CHLSN: variants seen among roughly 807,000 people sequenced by gnomAD.
CHLSN encodes cholesin, also known as protein cholesin.
At chr7:1,134,892 A>C in the CHLSN span, among the ~76,000 whole-genome samples, 16 of 152,162 alleles carry the variant, frequency 1.1e-4, no homozygotes, top group African/African-American at 3.9e-4. Flanking sequence ...TAAATAAATA[A>C]ATAAATACAT....
the CHLSN span, chr7:1,092,905 C>A: frequency 9.7e-6 from 15 of 1,545,808 alleles, no homozygotes; most frequent in Non-Finnish European, 1.2e-5. Flanking sequence ...GGGAGCTGCA[C>A]ACACCTGGGT....
the CHLSN span, among the ~76,000 whole-genome samples, chr7:1,080,458 AC>A: frequency 6.6e-6 from 1 of 152,148 alleles, no homozygotes; most frequent in Non-Finnish European, 1.5e-5. Context: ...CACAGGTGCC[AC>A]CCGCGTGACG....
chr7:1,037,510 G>T, the CHLSN span, among the ~76,000 whole-genome samples: 3 of 142,176 alleles, frequency 2.1e-5, no homozygotes, highest in African/African-American at 7.5e-5. Flanking sequence ...GCCTCCCGAG[G>T]TGCCGGGATT....
At chr7:1,019,211 A>G in the CHLSN span, among the ~76,000 whole-genome samples, 255 of 43,598 alleles carry the variant, frequency 5.8e-3, 2 homozygotes, top group East Asian at 0.037. Flanking sequence ...AAAAAAAAAA[A>G]CGGGGGGGGG....
the CHLSN span, chr7:987,072 G>T: frequency 2.7e-6 from 4 of 1,474,954 alleles, no homozygotes; most frequent in African/African-American, 5.6e-5. Flanking sequence ...ACAGACCCCA[G>T]ATCATCCCAC....
chr7:989,809 C>G, the CHLSN span, among the ~76,000 whole-genome samples: 1 of 151,992 alleles, frequency 6.6e-6, no homozygotes, highest in Admixed American at 6.6e-5. Flanking sequence ...TCGAGCCACA[C>G]AGTGGCACAT....
At chr7:1,012,075 G>C in the CHLSN span, among the ~76,000 whole-genome samples, 1 of 152,256 alleles carries the variant, frequency 6.6e-6, no homozygotes, top group Non-Finnish European at 1.5e-5. Context: ...AACGGGGCAG[G>C]CACAACAACT....
the CHLSN span, among the ~76,000 whole-genome samples, chr7:1,002,168 C>G: frequency 1.7e-3 from 162 of 93,886 alleles, no homozygotes; most frequent in Non-Finnish European, 2.2e-3. Flanking sequence ...TGAGTGGAGT[C>G]CTGCAGGTGG....
chr7:1,063,704 G>A, the CHLSN span, among the ~76,000 whole-genome samples: 3 of 152,196 alleles, frequency 2.0e-5, no homozygotes, highest in Admixed American at 1.3e-4. Context: ...AGCCAGGGGA[G>A]GATTAAGGCA....
At chr7:1,119,312 CAG>C in the CHLSN span, among the ~76,000 whole-genome samples, 2 of 152,186 alleles carry the variant, frequency 1.3e-5, no homozygotes, top group African/African-American at 2.4e-5. Flanking sequence ...AAGCCAGACA[CAG>C]GGGCTCACAC....
the CHLSN span, chr7:1,022,917 C>A: frequency 4.6e-6 from 2 of 433,118 alleles, no homozygotes; most frequent in Admixed American, 5.0e-5. Context: ...GGCGAGCTGG[C>A]CACTCCATGG....
chr7:1,070,083 T>C, the CHLSN span, among the ~76,000 whole-genome samples: 1 of 68,668 alleles, frequency 1.5e-5, no homozygotes, highest in Admixed American at 1.4e-4. Context: ...GGCCGCCCCG[T>C]CTGAGAAGTG....
At chr7:1,029,594 G>A in the CHLSN span, among the ~76,000 whole-genome samples, 1 of 152,220 alleles carries the variant, frequency 6.6e-6, no homozygotes, top group Non-Finnish European at 1.5e-5. Flanking sequence ...GTGCGAGGGA[G>A]CCGCACTGGC....
the CHLSN span, among the ~76,000 whole-genome samples, chr7:983,684 A>C: frequency 2.0e-5 from 3 of 152,346 alleles, no homozygotes; most frequent in South Asian, 6.2e-4. Flanking sequence ...AGCCCGCAGG[A>C]GGCCAGGCTT....
At chr7:1,116,071 G>C in the CHLSN span, among the ~76,000 whole-genome samples, 1 of 124,320 alleles carries the variant, frequency 8.0e-6, no homozygotes, top group African/African-American at 2.9e-5. Context: ...CGACGCCCAC[G>C]CAGGATGATG....
chr7:1,090,000 C>T, the CHLSN span, among the ~76,000 whole-genome samples: 1 of 151,888 alleles, frequency 6.6e-6, no homozygotes, highest in Non-Finnish European at 1.5e-5. Context: ...AGGAGAACCA[C>T]TCTAACCCGG....
chr7:986,293 G>A, the CHLSN span: 1 of 313,950 alleles, frequency 3.2e-6, no homozygotes, highest in South Asian at 3.9e-5. Context: ...TCCAAGGTCT[G>A]AGGTCTGCTC....
chr7:1,058,495 G>T, the CHLSN span: 1 of 779,828 alleles, frequency 1.3e-6, no homozygotes, highest in Non-Finnish European at 2.4e-6. Context: ...GACCACATGG[G>T]GGTGCAGCAG....
At chr7:1,000,128 T>C in the CHLSN span, among the ~76,000 whole-genome samples, 2 of 152,230 alleles carry the variant, frequency 1.3e-5, no homozygotes, top group Non-Finnish European at 2.9e-5. Flanking sequence ...GAGGCAACGC[T>C]GCTCATCTCT....
Sources: gnomAD v4.1 joint callset for allele counts (sites outside exome capture counted in the v4.1 genomes callset) on GRCh38, gnomAD v4.1.1 for gene constraint, MANE v1.5 for transcripts, NCBI Gene and HGNC (gene_info 2026-07-23, HGNC 2026-07-21) for gene names.